ANKRD37: variants seen among roughly 807,000 people sequenced by gnomAD.
ANKRD37 encodes the protein ankyrin repeat domain-containing protein 37.
ANKRD37 carries 17 observed loss-of-function variants against 19.7 expected under a neutral mutation model. The observed-to-expected ratio is 0.86, with a 90% CI of 0.59 to 1.29. The LOEUF (loss-of-function observed/expected upper bound fraction) is 1.29, where lower values mean the gene tolerates loss of function less well. Among genes scored for constraint, ANKRD37 ranks in the 50% most tolerant of loss-of-function variants. The pLI, the probability that ANKRD37 is intolerant of heterozygous loss-of-function variation, is 0.00. For synonymous variants in ANKRD37, 79 were observed against 74.5 expected (o/e 1.06, Z -0.31); for missense variants, 207 against 190.4 (o/e 1.09, Z -0.51).
intron 4 of ANKRD37, 88 bp downstream of exon 4, chr4:185,399,861 G>C (rs1475776700): frequency 6.4e-7 from 1 of 1,564,424 alleles, no homozygotes; most frequent in African/African-American, 1.4e-5. Context: ...ACTGACACTC[G>C]TATTTCTAGT....
chr4:185,399,139 AT>A, intron 3 of ANKRD37, 111 bp downstream of exon 3: 1 of 893,376 alleles, frequency 1.1e-6, no homozygotes, highest in Non-Finnish European at 1.8e-6. Flanking sequence ...GTAATTGATA[AT>A]TTAGTGTTAA....
chr4:185,398,847 C>A, intron 2 of ANKRD37, 90 bp from the exon 3 acceptor site: 5 of 961,506 alleles, frequency 5.2e-6, no homozygotes, highest in South Asian at 2.8e-5. Context: ...TTCTAACTAG[C>A]TTCCTTAAAT....
intron 2 of ANKRD37, among the ~76,000 whole-genome samples, chr4:185,398,619 C>G (rs2095508876): frequency 2.0e-5 from 3 of 152,220 alleles, no homozygotes; most frequent in Middle Eastern, 3.4e-3. Context: ...AAACGATTAT[C>G]AGTAGTGTTT....
chr4:185,397,200 C>G lies in ANKRD37; in HGVS notation c.78C>G (p.Pro26=). 6.2e-7 allele frequency: 1 copy of G among 1,613,988 alleles called. No homozygotes were observed. The highest frequency in any genetic ancestry group is 8.5e-7 in the Non-Finnish European group (1 of 1,180,026). Residue 26 remains proline (P), a synonymous_variant, in exon 2 of 5, where the codon CCC becomes CCG. Coordinates refer to ENST00000335174, the MANE Select transcript of ANKRD37 (RefSeq NM_181726.4). Reference sequence around the variant, plus strand: ...AGACAGGGGCCTCGGTCAACGCACCCCCGGATCCCTGCAAGCAGTCGCCTG... The same window carrying G: ...AGACAGGGGCCTCGGTCAACGCACCGCCGGATCCCTGCAAGCAGTCGCCTG... ...LLETGASVNA[P]PDPCKQSPVH...
Position 185,396,965 on chromosome 4 carries a change from C to T in ANKRD37, c.27+15C>T, listed in dbSNP as rs1392930901. 1.2e-6 allele frequency: 2 copies of T among 1,612,628 alleles called. No homozygotes were observed. Among genetic ancestry groups the T allele is most frequent in the Non-Finnish European group, 1.7e-6 (2 of 1,180,002 alleles). Reference sequence around the variant, plus strand: ...GCAACCCCGAGGTGAGATTCGGGCTCACAGAGCCCGAGCTTTTGTCCTGCA... The same window carrying T: ...GCAACCCCGAGGTGAGATTCGGGCTTACAGAGCCCGAGCTTTTGTCCTGCA... On this transcript the variant is annotated intron_variant, in intron 1 of 4. Coordinates refer to ENST00000335174, the MANE Select transcript of ANKRD37 (RefSeq NM_181726.4).
At chr4:185,399,489 G>T in intron 3 of ANKRD37, 81 bp from the exon 4 acceptor site, 7 of 1,471,554 alleles carry the variant, frequency 4.8e-6, no homozygotes, top group Non-Finnish European at 5.6e-6. Context: ...ATTTGTATGA[G>T]CCCAAAATTC....
chr4:185,399,878 G>GT (rs1451212412), intron 4 of ANKRD37, 105 bp downstream of exon 4: 1 of 1,547,768 alleles, frequency 6.5e-7, no homozygotes, highest in Non-Finnish European at 8.7e-7. Context: ...TAGTAGTATT[G>GT]TTTCATTCTC....
At position 185,399,709 on chromosome 4, in the gene ANKRD37, G is replaced by C; in HGVS notation, c.412G>C (p.Ala138Pro). ...ACACCCTGACAGGAATGATTGTGTTGCCGTGCTCAGACAGAAACGGAGTCT... is the reference window on the plus strand; with the variant it reads ...ACACCCTGACAGGAATGATTGTGTTCCCGTGCTCAGACAGAAACGGAGTCT... The part of the protein sequence containing the change: ...SEHPDRNDCV[A>P]VLRQKRSLGS... Residue 138 changes from alanine (A) to proline (P), a missense_variant, in exon 4 of 5, where the codon GCC becomes CCC. Physicochemically the swap from Ala to Pro is conservative, Grantham distance 27. Transcript: ENST00000335174. 3 of 1,614,166 alleles carry C rather than the reference G, an allele frequency of 1.9e-6. No homozygotes were observed. The highest frequency in any genetic ancestry group is 2.5e-6 in the Non-Finnish European group (3 of 1,180,030).
intron 3 of ANKRD37, 36 bp downstream of exon 3, chr4:185,399,064 T>G (rs778463088): frequency 6.4e-7 from 1 of 1,572,930 alleles, no homozygotes; most frequent in Non-Finnish European, 8.7e-7. Flanking sequence ...ATTTTATGTT[T>G]TCTTGGATTA....
At position 185,399,717 on chromosome 4, in the gene ANKRD37, C is replaced by G; in HGVS notation, c.420C>G (p.Leu140=). 4.3e-6 allele frequency: 7 copies of G among 1,614,102 alleles called. No homozygotes were observed. The highest frequency in any genetic ancestry group is 5.9e-6 in the Non-Finnish European group (7 of 1,180,012). Residue 140 remains leucine, a synonymous_variant, in exon 4 of 5, where the codon CTC becomes CTG. Coordinates refer to ENST00000335174, the MANE Select transcript of ANKRD37 (RefSeq NM_181726.4). ...HPDRNDCVAV[L]RQKRSLGSVE... The stretch of plus-strand genomic sequence containing the variant: ...ACAGGAATGATTGTGTTGCCGTGCT[C>G]AGACAGAAACGGAGTCTCGGAAGTG...
At chr4:185,400,429 T>C (rs544351411), downstream of ANKRD37, 22 of 1,613,856 alleles carry the variant, frequency 1.4e-5, no homozygotes, top group Admixed American at 5.0e-5. Flanking sequence ...ACATAAGTTA[T>C]AGTATGCATC....
downstream of ANKRD37, chr4:185,400,636 G>A (rs140236130): frequency 6.6e-5 from 32 of 488,386 alleles, no homozygotes; most frequent in Admixed American, 3.4e-4. Context: ...GAAAAGTAAC[G>A]TATCTTACCC....
chr4:185,399,356 T>C (rs1486567485), intron 3 of ANKRD37, among the ~76,000 whole-genome samples: 1 of 152,172 alleles, frequency 6.6e-6, no homozygotes, highest in Non-Finnish European at 1.5e-5. Context: ...CAGATAATTC[T>C]AACATTCATT....
Position 185,399,664 on chromosome 4 carries a change from C to G in ANKRD37, c.367C>G (p.Gln123Glu), listed in dbSNP as rs2095510695. The G allele has an allele frequency of 6.2e-7, 1 of 1,613,990 alleles. No homozygotes were observed. Among genetic ancestry groups the G allele is most frequent in the Non-Finnish European group, 8.5e-7 (1 of 1,180,024 alleles). The change falls in exon 4 of 5, where the codon CAG (glutamine) becomes GAG (glutamate). Residue 123 changes from glutamine to glutamate, a missense_variant. Physicochemically the swap from Gln to Glu is conservative, Grantham distance 29 (BLOSUM62 2). Transcript: ENST00000335174. ...GTTTCTTACAACAATTAAATGTATG[C>G]AGACAATAAAAGCAAGTGAACACCC... ...AKFLTTIKCM[Q>E]TIKASEHPDR... is the part of the protein sequence containing the mutation.
At position 185,399,006 on chromosome 4, in the gene ANKRD37, G is replaced by C; in HGVS notation, c.250G>C (p.Val84Leu). The change falls in exon 3 of 5, where the codon GTA (valine) becomes CTA (leucine). Residue 84 changes from valine to leucine, a missense_variant. Transcript: ENST00000335174. Reference protein sequence around the residue: ...VGSLECLSLLVASDAQIDLCN... With the variant: ...VGSLECLSLLLASDAQIDLCN... Reference sequence around the variant, plus strand: ...AAGCCTGGAGTGCCTAAGCCTGCTTGTAGCCAGTGATGCCCAAATTGAGTG... The same window carrying C: ...AAGCCTGGAGTGCCTAAGCCTGCTTCTAGCCAGTGATGCCCAAATTGAGTG... The C allele has an allele frequency of 2.5e-6, 4 of 1,613,840 alleles. No individual in the cohort carries two copies. Among genetic ancestry groups the C allele is most frequent in the Non-Finnish European group, 3.4e-6 (4 of 1,179,798 alleles).
Position 185,399,039 on chromosome 4 carries a change from A to T in ANKRD37, c.272+11A>T. 6.2e-7 allele frequency: 1 copy of T among 1,609,884 alleles called. No homozygotes were observed. The highest frequency in any genetic ancestry group is 8.5e-7 in the Non-Finnish European group (1 of 1,176,370). Reference sequence around the variant, plus strand: ...TGATGCCCAAATTGAGTGAGTATGAAAACAGTGGCTTCACATTTTATGTTT... The same window carrying T: ...TGATGCCCAAATTGAGTGAGTATGATAACAGTGGCTTCACATTTTATGTTT... On this transcript the variant is annotated intron_variant, in intron 3 of 4. Transcript: ENST00000335174.
chr4:185,397,827 T>C (rs1031047966), intron 2 of ANKRD37: 1 of 152,534 alleles, frequency 6.6e-6, no homozygotes, highest in Admixed American at 6.5e-5. Context: ...GCATTCTAAT[T>C]TCCTAAAGAG....
At chr4:185,398,829 C>T in intron 2 of ANKRD37, 108 bp from the exon 3 acceptor site, 1 of 649,924 alleles carries the variant, frequency 1.5e-6, no homozygotes, top group Non-Finnish European at 2.6e-6. Context: ...CTGTCCAGTA[C>T]AATGCAGTTC....
Position 185,400,072 on chromosome 4 carries a change from T to G in ANKRD37, c.*55T>G. The G allele has an allele frequency of 6.8e-7, 1 of 1,479,276 alleles. No homozygotes were observed. Among genetic ancestry groups the G allele is most frequent in the Non-Finnish European group, 9.3e-7 (1 of 1,071,928 alleles). The allele number at this position is 1,479,276 out of a possible 1,614,324, so 91.6% of individuals were successfully genotyped here. A position where few individuals can be genotyped will look rare whatever the true frequency, so the allele number is the denominator to read the frequency against. ...AACGCCTTCATTTCATGCAAATCTATAAGCTCCTGCTTTTGGCTTTACCAT... is the reference window on the plus strand; with the variant it reads ...AACGCCTTCATTTCATGCAAATCTAGAAGCTCCTGCTTTTGGCTTTACCAT... On this transcript the variant is annotated 3_prime_UTR_variant, in exon 5 of 5. Coordinates refer to ENST00000335174, the MANE Select transcript of ANKRD37 (RefSeq NM_181726.4).
Sources: gnomAD v4.1 joint callset for allele counts (sites outside exome capture counted in the v4.1 genomes callset) on GRCh38, gnomAD v4.1.1 for gene constraint, MANE v1.5 for transcripts, NCBI Gene and HGNC (gene_info 2026-07-23, HGNC 2026-07-21) for gene names.